The following DCC variants were observed in gnomAD, a reference collection of about 807,000 sequenced individuals.
DCC encodes the protein DCC netrin 1 receptor, also known as netrin receptor DCC.
Under a neutral mutation model 172.5 loss-of-function variants are expected in DCC, and 58 were observed. That is an observed-to-expected ratio of 0.34 (90% confidence interval 0.27 to 0.42). DCC has a LOEUF of 0.42. Ranked by LOEUF, DCC falls within the 10% of genes least tolerant of loss-of-function variation. DCC has a pLI of 1.00. For synonymous variants in DCC, 709 were observed against 644.5 expected (o/e 1.10, Z -1.52); for missense variants, 1,740 against 1,791.0 (o/e 0.97, Z 0.51).
At chr18:52,957,588 C>T (rs1033664490) in intron 5 of DCC, among the ~76,000 whole-genome samples, 1 of 152,094 alleles carries the variant, frequency 6.6e-6, no homozygotes, top group African/African-American at 2.4e-5. Context: ...ACATATCTCA[C>T]AAATATTGTA....
intron 16 of DCC, 147 bp downstream of exon 16, chr18:53,386,285 T>G: frequency 1.5e-6 from 1 of 681,276 alleles, no homozygotes; most frequent in Non-Finnish European, 2.6e-6. Context: ...ATCCTCTGAG[T>G]CTGATAAGTA....
chr18:53,416,177 A>G, intron 21 of DCC, 21 bp downstream of exon 21: 1 of 1,582,064 alleles, frequency 6.3e-7, no homozygotes, highest in Non-Finnish European at 8.7e-7. Flanking sequence ...TCAATCTGTC[A>G]TTTTGTGTTC....
chr18:52,922,261 G>C (rs8094205), intron 3 of DCC, among the ~76,000 whole-genome samples: 59,725 of 151,902 alleles, frequency 0.39, 12,350 homozygotes, highest in Non-Finnish European at 0.47. Flanking sequence ...ATTTCTCCAC[G>C]CAAAGAATAC....
intron 7 of DCC, among the ~76,000 whole-genome samples, chr18:53,140,409 G>A (rs879753099): frequency 2.6e-5 from 4 of 152,270 alleles, no homozygotes; most frequent in South Asian, 2.1e-4. Flanking sequence ...GCATTTTTAT[G>A]AGAGGAAATT....
intron 9 of DCC, among the ~76,000 whole-genome samples, chr18:53,185,847 CAA>C (rs2144498810): frequency 6.6e-6 from 1 of 152,184 alleles, no homozygotes; most frequent in East Asian, 1.9e-4. Context: ...TTGTTCAAAA[CAA>C]AAAAGTTAAT....
chr18:52,701,625 G>T (rs117890246), intron 1 of DCC, among the ~76,000 whole-genome samples: 1,931 of 152,236 alleles, frequency 0.013, 25 homozygotes, highest in Middle Eastern at 0.034. Context: ...ATTTGTATAC[G>T]TGAAACAGTG....
At chr18:53,376,230 G>T (rs889714143) in intron 15 of DCC, among the ~76,000 whole-genome samples, 1 of 151,776 alleles carries the variant, frequency 6.6e-6, no homozygotes, top group South Asian at 2.1e-4. Context: ...TGTCTCTACT[G>T]AAAATCAGCC....
At chr18:52,535,896 C>G (rs558703926) in intron 1 of DCC, among the ~76,000 whole-genome samples, 2 of 152,206 alleles carry the variant, frequency 1.3e-5, no homozygotes, top group African/African-American at 4.8e-5. Flanking sequence ...GTGCAGAGTG[C>G]TCAAGGCTGT....
At chr18:52,636,147 G>A (rs1446661277) in intron 1 of DCC, among the ~76,000 whole-genome samples, 4 of 152,196 alleles carry the variant, frequency 2.6e-5, no homozygotes. Flanking sequence ...AATTAGGAGA[G>A]CCAAGGGAAA....
chr18:52,806,798 G>A (rs1033180071), intron 2 of DCC, among the ~76,000 whole-genome samples: 1 of 152,128 alleles, frequency 6.6e-6, no homozygotes, highest in Non-Finnish European at 1.5e-5. Flanking sequence ...TGAAGTTAGA[G>A]GTTCTTCAGA....
At chr18:53,309,525 A>AT (rs1292009872) in intron 13 of DCC, among the ~76,000 whole-genome samples, 1 of 152,130 alleles carries the variant, frequency 6.6e-6, no homozygotes, top group Non-Finnish European at 1.5e-5. Flanking sequence ...TCCTTTTTAA[A>AT]TTTTTCCTCT....
At chr18:52,865,675 C>G (rs1029983285) in intron 2 of DCC, among the ~76,000 whole-genome samples, 3 of 151,780 alleles carry the variant, frequency 2.0e-5, no homozygotes, top group African/African-American at 7.3e-5. Flanking sequence ...TGTTCATACC[C>G]TTCACCCACT....
intron 2 of DCC, among the ~76,000 whole-genome samples, chr18:52,861,329 T>C (rs1234780991): frequency 6.6e-6 from 1 of 152,192 alleles, no homozygotes; most frequent in African/African-American, 2.4e-5. Flanking sequence ...CTTCAATTCC[T>C]CAAAGCAGTC....
intron 7 of DCC, among the ~76,000 whole-genome samples, chr18:53,091,353 A>G (rs2043006057): frequency 6.8e-6 from 1 of 148,028 alleles, no homozygotes; most frequent in South Asian, 2.1e-4. Flanking sequence ...ATATATGAAA[A>G]TATATATACT....
intron 5 of DCC, among the ~76,000 whole-genome samples, chr18:52,952,499 G>A (rs1339944063): frequency 6.6e-6 from 1 of 152,128 alleles, no homozygotes; most frequent in Non-Finnish European, 1.5e-5. Context: ...ACATAAAATA[G>A]GGTATATAAA....
chr18:53,282,887 A>G (rs1199088364), intron 12 of DCC, among the ~76,000 whole-genome samples: 2 of 152,194 alleles, frequency 1.3e-5, no homozygotes, highest in African/African-American at 2.4e-5. Context: ...GGCCCTAGTC[A>G]TTAATCCTAG....
chr18:53,413,449 T>C (rs1352914969), intron 20 of DCC, among the ~76,000 whole-genome samples: 1 of 152,186 alleles, frequency 6.6e-6, no homozygotes, highest in Admixed American at 6.5e-5. Context: ...TTTTTGTCTC[T>C]AATAAAAGGT....
chr18:52,587,554 C>A (rs1028841268), intron 1 of DCC, among the ~76,000 whole-genome samples: 5 of 152,208 alleles, frequency 3.3e-5, no homozygotes, highest in African/African-American at 1.2e-4. Context: ...CATGTTTCTT[C>A]CAAGTCCCTG....
At chr18:52,781,242 C>T (rs2037536382) in intron 2 of DCC, among the ~76,000 whole-genome samples, 2 of 152,084 alleles carry the variant, frequency 1.3e-5, no homozygotes, top group Non-Finnish European at 1.5e-5. Context: ...CTGCAACTTC[C>T]TTGCAGGCAA....
Sources: allele counts gnomAD v4.1 joint callset (sites outside exome capture counted in the v4.1 genomes callset), GRCh38; gene constraint gnomAD v4.1.1; transcripts MANE v1.5; gene names NCBI Gene and HGNC (gene_info 2026-07-23, HGNC 2026-07-21).